Variants in SLC35F4 observed in about 807,000 individuals in gnomAD.
The protein encoded by SLC35F4 is solute carrier family 35 member F4.
Under a neutral mutation model 44.2 loss-of-function variants are expected in SLC35F4, and 24 were observed. The observed-to-expected ratio is 0.54, with a 90% confidence interval of 0.39 to 0.76. The LOEUF (loss-of-function observed/expected upper bound fraction) is 0.76. Among genes scored for constraint, SLC35F4 ranks in the 30% least tolerant of loss-of-function variants. SLC35F4 has a pLI of 0.00. For synonymous variants in SLC35F4, 238 were observed against 223.6 expected, an observed-to-expected ratio of 1.06 and a Z score of -0.57; for missense variants, 562 against 586.1, an observed-to-expected ratio of 0.96 and a Z score of 0.42.
At chr14:57,714,043 T>C (rs2075875436) in intron 1 of SLC35F4, among the ~76,000 whole-genome samples, 1 of 152,170 alleles carries the variant, frequency 6.6e-6, no homozygotes, top group South Asian at 2.1e-4. Flanking sequence ...AAAATACACC[T>C]AACACAGGGA....
chr14:57,804,300 C>T (rs531831926), intron 1 of SLC35F4, among the ~76,000 whole-genome samples: 1 of 152,220 alleles, frequency 6.6e-6, no homozygotes, highest in East Asian at 1.9e-4. Flanking sequence ...CAAAAAAGAG[C>T]CTGAATACCA....
intron 2 of SLC35F4, among the ~76,000 whole-genome samples, chr14:57,589,941 C>T (rs1018792612): frequency 6.6e-6 from 1 of 152,192 alleles, no homozygotes; most frequent in Non-Finnish European, 1.5e-5. Context: ...TTGCTCTTCC[C>T]CTCTGTCATT....
chr14:57,916,353 T>C (rs533234950), intron 1 of SLC35F4, among the ~76,000 whole-genome samples: 2 of 152,344 alleles, frequency 1.3e-5, no homozygotes, highest in Non-Finnish European at 2.9e-5. Flanking sequence ...AAATGAGTTT[T>C]GGTGGGGATA....
chr14:57,572,208 A>C (rs1473001373), intron 4 of SLC35F4, among the ~76,000 whole-genome samples, 189 bp from the exon 5 acceptor site: 1 of 152,220 alleles, frequency 6.6e-6, no homozygotes, highest in Non-Finnish European at 1.5e-5. Flanking sequence ...CAGGCACAGA[A>C]TATAAAAGCT....
intron 1 of SLC35F4, among the ~76,000 whole-genome samples, chr14:57,933,076 C>T (rs1243349194): frequency 1.3e-5 from 2 of 150,624 alleles, no homozygotes; most frequent in East Asian, 3.9e-4. Flanking sequence ...TGCTCTGTTG[C>T]CCAAGCGCGA....
At chr14:57,673,479 T>C (rs1357369600) in intron 1 of SLC35F4, among the ~76,000 whole-genome samples, 1 of 152,018 alleles carries the variant, frequency 6.6e-6, no homozygotes, top group East Asian at 1.9e-4. Context: ...CAGGTATGCA[T>C]TAAAGGTGAT....
intron 1 of SLC35F4, among the ~76,000 whole-genome samples, chr14:57,723,186 T>C (rs1442102782): frequency 6.6e-6 from 1 of 152,104 alleles, no homozygotes; most frequent in Non-Finnish European, 1.5e-5. Flanking sequence ...CAAATTACAG[T>C]GGGTCCCCAG....
chr14:57,607,947 G>A (rs1423036005), intron 1 of SLC35F4, among the ~76,000 whole-genome samples: 5 of 152,130 alleles, frequency 3.3e-5, no homozygotes, highest in African/African-American at 7.2e-5. Context: ...AGTTTCTGTC[G>A]TGGACAACTG....
intron 1 of SLC35F4, among the ~76,000 whole-genome samples, chr14:57,871,452 T>A (rs1888295942): frequency 6.6e-6 from 1 of 152,180 alleles, no homozygotes; most frequent in African/African-American, 2.4e-5. Context: ...ACAGCTGTGT[T>A]GGTGGTTATA....
chr14:57,712,139 G>A (rs945681400), intron 1 of SLC35F4, among the ~76,000 whole-genome samples: 6 of 152,116 alleles, frequency 3.9e-5, no homozygotes, highest in African/African-American at 9.7e-5. Context: ...CTCCACAAAG[G>A]ACAATAAGGT....
At chr14:57,946,828 A>G (rs1001458230) in intron 1 of SLC35F4, among the ~76,000 whole-genome samples, 8 of 152,040 alleles carry the variant, frequency 5.3e-5, no homozygotes, top group African/African-American at 1.9e-4. Flanking sequence ...CTATATGCCT[A>G]TTTTTATACC....
intron 1 of SLC35F4, among the ~76,000 whole-genome samples, chr14:57,685,243 G>T (rs965365844): frequency 1.3e-5 from 2 of 152,134 alleles, no homozygotes; most frequent in Admixed American, 6.5e-5. Flanking sequence ...TCAATTGTGA[G>T]ATTTGCACTA....
intron 1 of SLC35F4, among the ~76,000 whole-genome samples, chr14:57,673,928 T>C (rs990556304): frequency 3.3e-5 from 5 of 152,112 alleles, no homozygotes; most frequent in African/African-American, 1.2e-4. Flanking sequence ...AAGAATACAG[T>C]AAACAACCCT....
rs559984146 is a variant in SLC35F4, at chr14:57,786,037, T to C, written c.103+79686A>G. 2.0e-3 allele frequency among the ~76,000 whole-genome samples: 312 copies of C among 152,202 alleles called. 1 individual carries two copies. Among genetic ancestry groups the C allele is most frequent in the Non-Finnish European group, 3.8e-3 (259 of 67,992 alleles). ...CCTGGGGCAAGTTTTCAAGCCCCCC[T>C]CACCCTCTGCCTGGAAATAAACTCA... On this transcript the variant is annotated intron_variant, in intron 1 of 7. Transcript: ENST00000556826.
At chr14:57,648,310 C>T (rs2073631544) in intron 1 of SLC35F4, among the ~76,000 whole-genome samples, 1 of 152,038 alleles carries the variant, frequency 6.6e-6, no homozygotes, top group African/African-American at 2.4e-5. Context: ...TTTAACTGTT[C>T]ATGTATTAAC....
chr14:57,946,914 G>GTTTGTT (rs1158262167), intron 1 of SLC35F4, among the ~76,000 whole-genome samples: 2 of 152,040 alleles, frequency 1.3e-5, no homozygotes, highest in Non-Finnish European at 2.9e-5. Context: ...CCAGATTTGG[G>GTTTGTT]TTTGTTTTTG....
intron 1 of SLC35F4, among the ~76,000 whole-genome samples, chr14:57,776,691 T>TAAAAAAAAAAAAAAAAA (rs2077498893): frequency 4.0e-5 from 5 of 126,564 alleles, no homozygotes; most frequent in African/African-American, 1.5e-4. Flanking sequence ...AAAAAAAAAT[T>TAAAAAAAAAAAAAAAAA]AAAGGCAGCT....
chr14:57,919,052 A>G (rs985492133), intron 1 of SLC35F4, among the ~76,000 whole-genome samples: 5 of 152,204 alleles, frequency 3.3e-5, no homozygotes, highest in African/African-American at 2.4e-5. Flanking sequence ...GCTCTTACCA[A>G]TGGAATGTTA....
intron 1 of SLC35F4, among the ~76,000 whole-genome samples, chr14:57,743,661 T>C (rs1246359511): frequency 1.3e-5 from 2 of 152,194 alleles, no homozygotes; most frequent in Non-Finnish European, 2.9e-5. Flanking sequence ...GAGGAGCTGG[T>C]ACCATTCCTT....
Sources: gnomAD v4.1 joint callset for allele counts (sites outside exome capture counted in the v4.1 genomes callset) on GRCh38, gnomAD v4.1.1 for gene constraint, MANE v1.5 for transcripts, NCBI Gene and HGNC (gene_info 2026-07-23, HGNC 2026-07-21) for gene names.